Variants in FAM110C observed in about 807,000 individuals in gnomAD.
FAM110C encodes the protein protein FAM110C.
In FAM110C, 19 loss-of-function variants were observed where a neutral mutation model predicts 15.7. The observed-to-expected ratio is 1.21, with a 90% CI of 0.85 to 1.78. FAM110C has a LOEUF of 1.78. FAM110C is among the 40% of genes most tolerant of loss of function. FAM110C has a pLI of 0.00. For synonymous variants in FAM110C, 275 were observed against 233.9 expected, an observed-to-expected ratio of 1.18 and a Z score of -1.61; for missense variants, 547 against 495.7, an observed-to-expected ratio of 1.10 and a Z score of -0.98.
chr2:42,064 C>T (rs551169847), intron 1 of FAM110C: 25 of 985,400 alleles, frequency 2.5e-5, no homozygotes, highest in East Asian at 2.3e-4. Flanking sequence ...GGCCCAGGCG[C>T]GGGTCACACG....
rs1664246631 is a variant in FAM110C, at chr2:45,396, C to A, written c.946+44G>T. On this transcript the variant is annotated intron_variant, in intron 1 of 1. Transcript: ENST00000327669. ...CGGTCACACTCACCAAGATTCACAG[C>A]CCCGCACACGGCCAGCCCCGCCCCC... The A allele has an allele frequency of 5.1e-6, 8 of 1,563,512 alleles. No homozygotes were observed. The East Asian group carries it at 1.1e-4, about 22-fold the overall frequency.
In FAM110C at chr2:41,928, A is replaced by T. The variant is rs1175810282; in HGVS notation, c.947-301T>A. ...GGGGCAGTAAAGAAAATTTCTTTACATGTTGGTAAGGCCAGTGCTAACTAC... is the reference window on the plus strand; with the variant it reads ...GGGGCAGTAAAGAAAATTTCTTTACTTGTTGGTAAGGCCAGTGCTAACTAC... On this transcript the variant is annotated intron_variant, in intron 1 of 1. Coordinates refer to ENST00000327669, the MANE Select transcript of FAM110C (RefSeq NM_001077710.3). 5.1e-6 allele frequency: 5 copies of T among 985,392 alleles called. No individual in the cohort carries two copies. In the South Asian group the frequency reaches 2.3e-4, roughly 46 times the overall value. 61.0% of individuals were successfully genotyped at this position (985,392 alleles called of 1,614,324 possible).
rs547939655 is a variant in FAM110C at position 45,333 on chromosome 2, C to T, written c.946+107G>A. ...TTTCACACTGTAGCTCAAAATCGCA[C>T]TCAATTCTAAGCAGCTGTAACTGGC... On this transcript the variant is annotated intron_variant, in intron 1 of 1. Transcript: ENST00000327669. 1.1e-4 allele frequency: 162 copies of T among 1,455,412 alleles called. No individual in the cohort carries two copies. In the African/African-American group the frequency reaches 2.1e-3, roughly 18 times the overall value. 90.2% of individuals were successfully genotyped at this position (1,455,412 alleles called of 1,614,324 possible).
In FAM110C at chr2:41,152, C is replaced by G. The variant is rs140302770; in HGVS notation, c.*456G>C. ...GACCACATAATTGAAGTAGAATATG[C>G]CTTTTTATGATTACTTTGATTTAAA... is the stretch of plus-strand genomic sequence containing the variant. On this transcript the variant is annotated 3_prime_UTR_variant, in exon 2 of 2. Transcript: ENST00000327669. The G allele has an allele frequency of 1.3e-5, 2 of 155,506 alleles. No individual in the cohort carries two copies. The highest frequency in any genetic ancestry group is 2.8e-5 in the Non-Finnish European group (2 of 70,496). 9.6% of individuals were successfully genotyped at this position (155,506 alleles called of 1,614,324 possible). A position where few individuals can be genotyped will look rare whatever the true frequency, so the allele number is the denominator to read the frequency against.
At position 46,419 on chromosome 2, in the gene FAM110C, T is replaced by G; in HGVS notation, c.-34A>C. 1 of 1,254,926 alleles carries G rather than the reference T, an allele frequency of 8.0e-7. No individual in the cohort carries two copies. Among genetic ancestry groups the G allele is most frequent in the Non-Finnish European group, 1.0e-6 (1 of 998,746 alleles). The allele number at this position is 1,254,926 out of a possible 1,614,324, so 77.7% of individuals were successfully genotyped here. Reference sequence around the variant, plus strand: ...GGAATGGACCGACCGGGGTTCCGGGTCCAGCGGAGACGCGCTCGAGTGGTA... The same window carrying G: ...GGAATGGACCGACCGGGGTTCCGGGGCCAGCGGAGACGCGCTCGAGTGGTA... On this transcript the variant is annotated 5_prime_UTR_variant, in exon 1 of 2. Transcript: ENST00000327669.
Position 46,238 on chromosome 2 carries a change from C to T in FAM110C, c.148G>A (p.Gly50Ser). 7.1e-7 allele frequency: 1 copy of T among 1,411,884 alleles called. No homozygotes were observed. The allele number at this position is 1,411,884 out of a possible 1,614,324, so 87.5% of individuals were successfully genotyped here. Residue 50 changes from glycine to serine, a missense_variant, in exon 1 of 2, where the codon GGT becomes AGT. Coordinates refer to ENST00000327669, the MANE Select transcript of FAM110C (RefSeq NM_001077710.3). ...ACGCCCCGGCCAGTCCCCGGCCGAC[C>T]CCGCACATACTTGGCGCGATCCGCC... Reference protein sequence around the residue: ...LAADRAKYVRGRPGTGRGVAS... With the variant: ...LAADRAKYVRSRPGTGRGVAS...
At position 43,455 on chromosome 2, in the gene FAM110C, T is replaced by G. The variant is rs1322236499; in HGVS notation, c.947-1828A>C. 6.1e-6 allele frequency: 6 copies of G among 985,300 alleles called. No individual in the cohort carries two copies. The African/African-American group carries it at 1.0e-4, about 17-fold the overall frequency. The allele number at this position is 985,300 out of a possible 1,614,324, so 61.0% of individuals were successfully genotyped here. ...AGTGCCTTCCCAAACCTGCTCTCACTTTCCCTCTTCCTTCAACTATTTCTC... is the reference window on the plus strand; with the variant it reads ...AGTGCCTTCCCAAACCTGCTCTCACGTTCCCTCTTCCTTCAACTATTTCTC... On this transcript the variant is annotated intron_variant, in intron 1 of 1. Coordinates refer to ENST00000327669, the MANE Select transcript of FAM110C (RefSeq NM_001077710.3).
At chr2:44,840 A>G in intron 1 of FAM110C, 2 of 985,434 alleles carry the variant, frequency 2.0e-6, no homozygotes, top group Non-Finnish European at 2.4e-6. Flanking sequence ...AATTTAGCCA[A>G]ATAAAGATCT....
chr2:44,917 G>A (rs551643163), intron 1 of FAM110C: 2 of 985,210 alleles, frequency 2.0e-6, no homozygotes, highest in Non-Finnish European at 2.4e-6. Context: ...TTCAGCACAG[G>A]CCTCCAGGAA....
intron 1 of FAM110C, chr2:42,694 C>T (rs763040856): frequency 5.0e-6 from 2 of 399,048 alleles, no homozygotes; most frequent in African/African-American, 2.2e-5. Context: ...AACTTATAAA[C>T]GTATTTAGTT....
chr2:45,796 A>C lies in FAM110C; in HGVS notation c.590T>G (p.Leu197Arg). 1 of 1,554,762 alleles carries C rather than the reference A, an allele frequency of 6.4e-7. No homozygotes were observed. Among genetic ancestry groups the C allele is most frequent in the Non-Finnish European group, 8.7e-7 (1 of 1,153,276 alleles). ...PEPRVVRRRG[L>R]QRSQSDLSSR... is the part of the protein sequence containing the mutation. ...GCTGAGGTCCGACTGTGAGCGCTGC[A>C]GCCCCCGACGCCTCACCACCCGCGG... The change falls in exon 1 of 2, where the codon CTG becomes CGG. Residue 197 changes from leucine (L) to arginine (R), a missense_variant. By Grantham distance (102) the Leu-to-Arg change is moderately radical. Coordinates refer to ENST00000327669, the MANE Select transcript of FAM110C (RefSeq NM_001077710.3).
At chr2:42,981 A>G in intron 1 of FAM110C, 1 of 985,478 alleles carries the variant, frequency 1.0e-6, no homozygotes, top group Non-Finnish European at 1.2e-6. Context: ...CCCACTGACC[A>G]GGTGTTCACA....
chr2:43,872 C>T (rs1664197613), intron 1 of FAM110C: 7 of 985,316 alleles, frequency 7.1e-6, no homozygotes, highest in Admixed American at 6.1e-5. Flanking sequence ...AGTCATGCAA[C>T]ACAGATTATT....
rs1277845656 is a variant in FAM110C at position 39,816 on chromosome 2, T to C, written c.*1792A>G. 2 of 152,222 alleles carry C rather than the reference T, an allele frequency of 1.3e-5. No homozygotes were observed. The highest frequency in any genetic ancestry group is 1.9e-4 in the East Asian group (1 of 5,200). 9.4% of individuals were successfully genotyped at this position (152,222 alleles called of 1,614,324 possible). A position where few individuals can be genotyped will look rare whatever the true frequency, so the allele number is the denominator to read the frequency against. ...TTAAAGCTTTCATATCTAAAATTGA[T>C]GGGACATCTGAAAATAAGGGAATTG... On this transcript the variant is annotated 3_prime_UTR_variant, in exon 2 of 2. Coordinates refer to ENST00000327669, the MANE Select transcript of FAM110C (RefSeq NM_001077710.3).
In FAM110C at chr2:45,377, C is replaced by T. The variant is rs1664246173; in HGVS notation, c.946+63G>A. 1.1e-5 allele frequency: 17 copies of T among 1,536,758 alleles called. No individual in the cohort carries two copies. In the South Asian group the frequency reaches 2.0e-4, roughly 18 times the overall value. ...AACTGGCCATCGCCCAGCTCGGTCACACTCACCAAGATTCACAGCCCCGCA... is the reference window on the plus strand; with the variant it reads ...AACTGGCCATCGCCCAGCTCGGTCATACTCACCAAGATTCACAGCCCCGCA... On this transcript the variant is annotated intron_variant, in intron 1 of 1. Coordinates refer to ENST00000327669, the MANE Select transcript of FAM110C (RefSeq NM_001077710.3).
chr2:43,538 G>A, intron 1 of FAM110C: 5 of 985,284 alleles, frequency 5.1e-6, no homozygotes, highest in Non-Finnish European at 6.0e-6. Flanking sequence ...TTTTTCATAG[G>A]TCCAAGCCTA....
At chr2:42,614 A>T (rs1466380444) in intron 1 of FAM110C, among the ~76,000 whole-genome samples, 1 of 152,242 alleles carries the variant, frequency 6.6e-6, no homozygotes, top group Admixed American at 6.5e-5. Context: ...TGTGCGGATT[A>T]TACGAGTCAT....
intron 1 of FAM110C, chr2:44,536 A>C (rs1200969386): frequency 1.0e-6 from 1 of 985,442 alleles, no homozygotes; most frequent in Non-Finnish European, 1.2e-6. Context: ...GAGGAAAAAA[A>C]AGATGTCGCA....
At chr2:42,183 A>T in intron 1 of FAM110C, 1 of 985,424 alleles carries the variant, frequency 1.0e-6, no homozygotes, top group African/African-American at 1.7e-5. Flanking sequence ...AGAAAGCTGG[A>T]TGTCCCGGGT....
Sources: allele counts gnomAD v4.1 joint callset (sites outside exome capture counted in the v4.1 genomes callset), GRCh38; gene constraint gnomAD v4.1.1; transcripts MANE v1.5; gene names NCBI Gene and HGNC (gene_info 2026-07-23, HGNC 2026-07-21).